The following CA12 variants were observed in gnomAD, a reference collection of about 807,000 sequenced individuals.
CA12 encodes carbonate dehydratase XII.
CA12 carries 36 observed loss-of-function variants against 46.8 expected under a neutral mutation model. That is an observed-to-expected ratio of 0.77 (90% confidence interval 0.59 to 1.02). The LOEUF is 1.02. Ranked by LOEUF, CA12 falls within the 50% of genes least tolerant of loss-of-function variation. The pLI, the probability that CA12 is intolerant of heterozygous loss-of-function variation, is 0.00. For synonymous variants in CA12, 202 were observed against 187.0 expected (o/e 1.08, Z -0.65); for missense variants, 436 against 451.4 (o/e 0.97, Z 0.31).
Position 63,340,126 on chromosome 15 carries a change from C to G in CA12, c.747+162G>C. Reference sequence around the variant, plus strand: ...AGCTTGACTTCTTTTGAAGCTCAGCCTGGAATTTCTGCGGTGCTTTCAGAC... The same window carrying G: ...AGCTTGACTTCTTTTGAAGCTCAGCGTGGAATTTCTGCGGTGCTTTCAGAC... On this transcript the variant is annotated intron_variant, in intron 7 of 10. Transcript: ENST00000178638. This position sits in a 1 kb window ranked among gnomAD's most constrained non-coding sequence, Gnocchi z 4.4. 1.2e-6 allele frequency: 1 copy of G among 823,900 alleles called. No individual in the cohort carries two copies. The highest frequency in any genetic ancestry group is 2.0e-6 in the Non-Finnish European group (1 of 496,468). The allele number at this position is 823,900 out of a possible 1,614,324, so 51.0% of individuals were successfully genotyped here.
At chr15:63,377,941 T>A (rs2039597632) in intron 1 of CA12, among the ~76,000 whole-genome samples, 2 of 152,328 alleles carry the variant, frequency 1.3e-5, no homozygotes, top group South Asian at 4.1e-4. Context: ...ATATTCCCAC[T>A]GGAAGGAGTC....
chr15:63,364,443 G>A (rs918993718), intron 2 of CA12, among the ~76,000 whole-genome samples: 7 of 150,524 alleles, frequency 4.7e-5, no homozygotes, highest in African/African-American at 1.5e-4. Flanking sequence ...AAATGCACAT[G>A]TGAGTAACTC....
intron 8 of CA12, among the ~76,000 whole-genome samples, chr15:63,332,108 T>C (rs1301696423): frequency 6.6e-6 from 1 of 152,156 alleles, no homozygotes; most frequent in Non-Finnish European, 1.5e-5. Flanking sequence ...GGTTTGATAG[T>C]TTAAATACAC....
At chr15:63,346,192 C>T (rs2039144910) in intron 3 of CA12, among the ~76,000 whole-genome samples, 3 of 152,148 alleles carry the variant, frequency 2.0e-5, no homozygotes, top group East Asian at 1.9e-4. Context: ...GCCTGGGCAC[C>T]CCCCGCCAAA....
intron 2 of CA12, among the ~76,000 whole-genome samples, chr15:63,375,181 C>T (rs916588252): frequency 9.2e-5 from 14 of 152,330 alleles, no homozygotes; most frequent in East Asian, 3.9e-4. Context: ...CTTCATCCAT[C>T]GCTAGCTTAC....
intron 2 of CA12, 25 bp from the exon 3 acceptor site, chr15:63,346,734 G>C: frequency 1.2e-6 from 2 of 1,612,418 alleles, no homozygotes; most frequent in Non-Finnish European, 1.7e-6. Flanking sequence ...CCATGCTCAA[G>C]ATTTAGAGTT....
intron 4 of CA12, among the ~76,000 whole-genome samples, chr15:63,344,489 C>A (rs1433476768): frequency 6.6e-6 from 1 of 152,226 alleles, no homozygotes; most frequent in Non-Finnish European, 1.5e-5. Context: ...TGCAATTAGC[C>A]TGGAGGAAAT....
intron 8 of CA12, among the ~76,000 whole-genome samples, chr15:63,337,458 T>A (rs2039017688): frequency 1.3e-5 from 2 of 152,140 alleles, no homozygotes. Context: ...TTTGTTTTTG[T>A]TTTTTGGTTT....
chr15:63,324,636 C>T lies in CA12; in HGVS notation c.*1649G>A, dbSNP rs1446237336. On this transcript the variant is annotated 3_prime_UTR_variant, in exon 11 of 11. Transcript: ENST00000178638. ...TAACTTTGCCTAGCAAAACAGGCTC[C>T]CAAGACATAAGGCTTGCCATCGTTG... 1 of 151,878 alleles carries T rather than the reference C, an allele frequency of 6.6e-6. No homozygotes were observed. Among genetic ancestry groups the T allele is most frequent in the Non-Finnish European group, 1.5e-5 (1 of 68,072 alleles). The allele number at this position is 151,878 out of a possible 1,614,324, so 9.4% of individuals were successfully genotyped here.
At chr15:63,359,840 T>C (rs1206747768) in intron 2 of CA12, among the ~76,000 whole-genome samples, 4 of 152,186 alleles carry the variant, frequency 2.6e-5, no homozygotes, top group African/African-American at 7.2e-5. Context: ...GTACCCCTCA[T>C]TGGCCGTGTT....
chr15:63,336,645 G>T (rs1308013456), intron 8 of CA12, among the ~76,000 whole-genome samples: 1 of 149,330 alleles, frequency 6.7e-6, no homozygotes, highest in Non-Finnish European at 1.5e-5. Context: ...CCACCTCCCG[G>T]GTTCAAGCGA....
In CA12 at chr15:63,323,605, A is replaced by T. The variant is rs2038824067; in HGVS notation, c.*2680T>A. Reference sequence around the variant, plus strand: ...TTATAATCATTCTTACAATAAATACAGAAGTGCTAAACAGACCATTATCAC... The same window carrying T: ...TTATAATCATTCTTACAATAAATACTGAAGTGCTAAACAGACCATTATCAC... On this transcript the variant is annotated 3_prime_UTR_variant, in exon 11 of 11. Transcript: ENST00000178638. This position sits in a 1 kb window ranked among gnomAD's most constrained non-coding sequence, Gnocchi z 5.1. 1 of 152,660 alleles carries T rather than the reference A, an allele frequency of 6.6e-6. No homozygotes were observed. The highest frequency in any genetic ancestry group is 1.5e-5 in the Non-Finnish European group (1 of 68,036). 9.5% of individuals were successfully genotyped at this position (152,660 alleles called of 1,614,324 possible).
At chr15:63,369,886 A>T (rs1311065282) in intron 2 of CA12, among the ~76,000 whole-genome samples, 2 of 152,140 alleles carry the variant, frequency 1.3e-5, no homozygotes, top group African/African-American at 2.4e-5. Flanking sequence ...GTTTTTACTC[A>T]GCTGATGAGG....
At position 63,321,860 on chromosome 15, in the gene CA12, G is replaced by A. The variant is rs2038795368; in HGVS notation, c.*4425C>T. Reference sequence around the variant, plus strand: ...GCCCACTGCGGCGAGGCGAGGAGATGTGGGGAGAGGAAGAGCGGCGTCCAC... The same window carrying A: ...GCCCACTGCGGCGAGGCGAGGAGATATGGGGAGAGGAAGAGCGGCGTCCAC... On this transcript the variant is annotated 3_prime_UTR_variant, in exon 11 of 11. Coordinates refer to ENST00000178638, the MANE Select transcript of CA12 (RefSeq NM_001218.5). This position sits in a 1 kb window ranked among gnomAD's most constrained non-coding sequence, Gnocchi z 4.5. 1 of 152,320 alleles carries A rather than the reference G, an allele frequency of 6.6e-6. No homozygotes were observed. Among genetic ancestry groups the A allele is most frequent in the African/African-American group, 2.4e-5 (1 of 41,452 alleles). The allele number at this position is 152,320 out of a possible 1,614,324, so 9.4% of individuals were successfully genotyped here. A position where few individuals can be genotyped will look rare whatever the true frequency, so the allele number is the denominator to read the frequency against.
chr15:63,367,622 C>T (rs1319287899), intron 2 of CA12, among the ~76,000 whole-genome samples: 4 of 152,224 alleles, frequency 2.6e-5, no homozygotes, highest in Non-Finnish European at 5.9e-5. Flanking sequence ...GGATGGGTTG[C>T]ATCCATTTCA....
intron 4 of CA12, among the ~76,000 whole-genome samples, chr15:63,342,958 TA>T (rs1362841654): frequency 5.3e-5 from 8 of 152,202 alleles, no homozygotes; most frequent in Non-Finnish European, 7.4e-5. Flanking sequence ...CCTTCTAACT[TA>T]AAAAAAATTA....
chr15:63,377,621 AG>A (rs1202234647), intron 1 of CA12, among the ~76,000 whole-genome samples: 2 of 152,170 alleles, frequency 1.3e-5, no homozygotes, highest in Non-Finnish European at 2.9e-5. Flanking sequence ...CACGTGGTTT[AG>A]AAAGTCAGAT....
Position 63,327,949 on chromosome 15 carries a change from G to C in CA12, c.907+149C>G, listed in dbSNP as rs1403480006. Reference sequence around the variant, plus strand: ...ATTGGCAGTTCATCTTTGAATCACAGAGCGACTTGAGGGTAAGACCCATAG... The same window carrying C: ...ATTGGCAGTTCATCTTTGAATCACACAGCGACTTGAGGGTAAGACCCATAG... On this transcript the variant is annotated intron_variant, in intron 9 of 10. Transcript: ENST00000178638. The surrounding 1 kb of genome is among the most constrained non-coding windows in gnomAD (Gnocchi z 4.5). 1 of 721,426 alleles carries C rather than the reference G, an allele frequency of 1.4e-6. No individual in the cohort carries two copies. The highest frequency in any genetic ancestry group is 2.5e-6 in the Non-Finnish European group (1 of 403,558). The allele number at this position is 721,426 out of a possible 1,614,324, so 44.7% of individuals were successfully genotyped here.
At position 63,345,627 on chromosome 15, in the gene CA12, G is replaced by A. The variant is rs757235276; in HGVS notation, c.287-8C>T. On this transcript the variant is annotated splice_region_variant and splice_polypyrimidine_tract_variant and intron_variant, in intron 3 of 10. Transcript: ENST00000178638. The surrounding 1 kb of genome is among the most constrained non-coding windows in gnomAD (Gnocchi z 4.3). ...AGGGCAGGTTCAGCTTCACTGCGGG[G>A]AGTGGAGGAGCAGCCTTCAGAGCCC... The A allele has an allele frequency of 6.2e-7, 1 of 1,610,716 alleles. No homozygotes were observed. Among genetic ancestry groups the A allele is most frequent in the Non-Finnish European group, 8.5e-7 (1 of 1,179,808 alleles).
Sources: allele counts gnomAD v4.1 joint callset (sites outside exome capture counted in the v4.1 genomes callset), GRCh38; gene constraint gnomAD v4.1.1; non-coding constraint Gnocchi (gnomAD v3.1); transcripts MANE v1.5; gene names NCBI Gene and HGNC (gene_info 2026-07-23, HGNC 2026-07-21).